Variants in FUNDC2 observed in about 807,000 individuals in gnomAD.
FUNDC2 encodes FUN14 domain-containing protein 2.
FUNDC2 carries 4 observed loss-of-function variants against 15.6 expected under a neutral mutation model. The ratio of observed to expected loss-of-function variants is 0.26; its 90% CI spans 0.13 to 0.59. The LOEUF is 0.59. FUNDC2 is among the 20% of genes least tolerant of loss of function. FUNDC2 has a pLI of 0.90. For synonymous variants in FUNDC2, 44 were observed against 56.9 expected, an observed-to-expected ratio of 0.77 and a Z score of 1.02; for missense variants, 98 against 149.7, an observed-to-expected ratio of 0.65 and a Z score of 1.80.
At chrX:155,042,212 ACTCTTT>A (rs2073849890) in intron 2 of FUNDC2, among the ~76,000 whole-genome samples, 1 of 23,832 alleles carries the variant, frequency 4.2e-5, no homozygotes, top group Non-Finnish European at 6.6e-5. Context: ...TTTGAGATGG[ACTCTTT>A]CTCTGTCACC....
chrX:155,054,470 G>A, intron 4 of FUNDC2, 125 bp from the exon 5 acceptor site: 4 of 1,139,625 alleles, frequency 3.5e-6, no homozygotes, highest in Non-Finnish European at 4.7e-6. Flanking sequence ...TTTGGGTAAA[G>A]TGCAAATTAC....
chrX:155,047,458 A>G (rs1200607489), intron 3 of FUNDC2: 1 of 341,619 alleles, frequency 2.9e-6, no homozygotes, highest in Non-Finnish European at 5.9e-6. Flanking sequence ...AATCAAATGT[A>G]TCGAAGAGGG....
Position 155,057,038 on chromosome X carries a change from ATCCTGCTAG to A in FUNDC2, c.*2368_*2376del. On this transcript the variant is annotated 3_prime_UTR_variant, in exon 5 of 5. Coordinates refer to ENST00000369498, the MANE Select transcript of FUNDC2 (RefSeq NM_023934.4). ...GAGGTCAGTATTGCAGGTTGGCCTC[ATCCTGCTAG>A]TATGAGAACGGCTGTGAGTTCTGCC... The A allele has an allele frequency of 1.0e-5, 1 of 96,072 alleles. No homozygotes were observed. Among genetic ancestry groups the A allele is most frequent in the East Asian group, 2.9e-4 (1 of 3,453 alleles). 7.9% of individuals were successfully genotyped at this position (96,072 alleles called of 1,213,427 possible).
intron 4 of FUNDC2, among the ~76,000 whole-genome samples, chrX:155,052,112 G>C (rs1158004598): frequency 1.8e-5 from 2 of 112,131 alleles, no homozygotes; most frequent in Admixed American, 9.4e-5. Flanking sequence ...CCATTTTGTC[G>C]CTATACACGC....
At position 155,026,855 on chromosome X, in the gene FUNDC2, C is replaced by T. The variant is rs781878917; in HGVS notation, c.-84C>T. On this transcript the variant is annotated 5_prime_UTR_variant, in exon 1 of 5. Transcript: ENST00000369498. ...ACCGCGGGGCCTGTGACACCGCACG[C>T]TGAGCTCTGTGATGTAGCCGCTTGC... 17 of 1,136,346 alleles carry T rather than the reference C, an allele frequency of 1.5e-5. No individual in the cohort carries two copies. In the Admixed American group the frequency reaches 4.3e-4, roughly 29 times the overall value. The allele number at this position is 1,136,346 out of a possible 1,213,427, so 93.6% of individuals were successfully genotyped here. A position where few individuals can be genotyped will look rare whatever the true frequency, so the allele number is the denominator to read the frequency against.
At chrX:155,051,486 A>C in intron 3 of FUNDC2, 184 bp from the exon 4 acceptor site, 1 of 442,475 alleles carries the variant, frequency 2.3e-6, no homozygotes. Flanking sequence ...AGTGCCAGGC[A>C]TATGGCTTCG....
intron 2 of FUNDC2, among the ~76,000 whole-genome samples, chrX:155,043,035 C>G (rs1201167262): frequency 1.8e-5 from 2 of 111,533 alleles, no homozygotes; most frequent in African/African-American, 3.3e-5. Flanking sequence ...CTCCTGGGCT[C>G]AAGAGATCCT....
chrX:155,028,478 A>G (rs1557288496), intron 1 of FUNDC2, among the ~76,000 whole-genome samples: 1 of 111,980 alleles, frequency 8.9e-6, no homozygotes, highest in African/African-American at 3.3e-5. Context: ...TTGTTGTTAC[A>G]TTAGAAAAAT....
chrX:155,052,612 G>A (rs889631931), intron 4 of FUNDC2, among the ~76,000 whole-genome samples: 3 of 110,746 alleles, frequency 2.7e-5, no homozygotes, highest in Non-Finnish European at 5.7e-5. Flanking sequence ...GAAATACCCT[G>A]TGTGCGCCTC....
At chrX:155,034,756 C>T (rs1018761343) in intron 2 of FUNDC2, among the ~76,000 whole-genome samples, 1 of 111,808 alleles carries the variant, frequency 8.9e-6, no homozygotes, top group African/African-American at 3.2e-5. Context: ...AAAATTTTAC[C>T]AGTCTGGTAG....
At position 155,059,582 on chromosome X, in the gene FUNDC2, CTATTT is replaced by C. The variant is rs1386386391; in HGVS notation, c.*4917_*4921del. The stretch of plus-strand genomic sequence containing the variant: ...GTAAATGTTAAGCCTTCTATGATGG[CTATTT>C]TATTTTTTTGTATGTCATAATAATA... On this transcript the variant is annotated 3_prime_UTR_variant, in exon 5 of 5. Coordinates refer to ENST00000369498, the MANE Select transcript of FUNDC2 (RefSeq NM_023934.4). 1 of 111,086 alleles carries C rather than the reference CTATTT, an allele frequency of 9.0e-6. No individual in the cohort carries two copies. Among genetic ancestry groups the C allele is most frequent in the African/African-American group, 3.3e-5 (1 of 30,512 alleles). The allele number at this position is 111,086 out of a possible 1,213,427, so 9.2% of individuals were successfully genotyped here. A position where few individuals can be genotyped will look rare whatever the true frequency, so the allele number is the denominator to read the frequency against.
chrX:155,057,468 G>C lies in FUNDC2; in HGVS notation c.*2796G>C, dbSNP rs1028284163. ...TGGGGCGGAAGTTTTTCCTTGGGAA[G>C]AGCGTTGTCGCTGTATATGGTCCGC... On this transcript the variant is annotated 3_prime_UTR_variant, in exon 5 of 5. Transcript: ENST00000369498. The C allele has an allele frequency of 8.9e-6, 1 of 111,796 alleles. No homozygotes were observed. Among genetic ancestry groups the C allele is most frequent in the Non-Finnish European group, 1.9e-5 (1 of 53,093 alleles). 9.2% of individuals were successfully genotyped at this position (111,796 alleles called of 1,213,427 possible).
intron 2 of FUNDC2, among the ~76,000 whole-genome samples, chrX:155,038,142 G>T (rs2073837378): frequency 9.1e-6 from 1 of 109,880 alleles, no homozygotes; most frequent in Non-Finnish European, 1.9e-5. Context: ...TGGGAGGATG[G>T]CTTGAACCTG....
At position 155,057,211 on chromosome X, in the gene FUNDC2, T is replaced by C. The variant is rs2073909110; in HGVS notation, c.*2539T>C. On this transcript the variant is annotated 3_prime_UTR_variant, in exon 5 of 5. Transcript: ENST00000369498. ...TCAGGCATTTGGGGTTACCTGTGAA[T>C]CAAGGCCCTATTGTGCCAGCAGTTT... 1 of 111,692 alleles carries C rather than the reference T, an allele frequency of 9.0e-6. No homozygotes were observed. The highest frequency in any genetic ancestry group is 3.3e-5 in the African/African-American group (1 of 30,692). 9.2% of individuals were successfully genotyped at this position (111,692 alleles called of 1,213,427 possible).
intron 4 of FUNDC2, 107 bp from the exon 5 acceptor site, chrX:155,054,488 A>G (rs184433877): frequency 8.6e-7 from 1 of 1,163,895 alleles, no homozygotes. Flanking sequence ...TACGTAACCG[A>G]TGAGGGGATT....
Position 155,055,579 on chromosome X carries a change from C to T in FUNDC2, c.*907C>T, listed in dbSNP as rs933552722. 5.2e-5 allele frequency: 12 copies of T among 231,694 alleles called. No individual in the cohort carries two copies. The highest frequency in any genetic ancestry group is 2.8e-4 in the South Asian group (1 of 3,560). The allele number at this position is 231,694 out of a possible 1,213,427, so 19.1% of individuals were successfully genotyped here. A position where few individuals can be genotyped will look rare whatever the true frequency, so the allele number is the denominator to read the frequency against. ...TAAATTTCCATCAAGTGTAATCTAC[C>T]GTCTCATGATGACCACAACCCTGAG... On this transcript the variant is annotated 3_prime_UTR_variant, in exon 5 of 5. Coordinates refer to ENST00000369498, the MANE Select transcript of FUNDC2 (RefSeq NM_023934.4).
chrX:155,031,509 T>C (rs1027357752), intron 1 of FUNDC2, among the ~76,000 whole-genome samples: 14 of 111,912 alleles, frequency 1.3e-4, no homozygotes, highest in African/African-American at 4.6e-4. Flanking sequence ...TTTGTATTTT[T>C]AGTAGAAACA....
Position 155,057,050 on chromosome X carries a change from TGAGAAC to T in FUNDC2, c.*2380_*2385del, listed in dbSNP as rs2073907404. On this transcript the variant is annotated 3_prime_UTR_variant, in exon 5 of 5. Coordinates refer to ENST00000369498, the MANE Select transcript of FUNDC2 (RefSeq NM_023934.4). The stretch of plus-strand genomic sequence containing the variant: ...GCAGGTTGGCCTCATCCTGCTAGTA[TGAGAAC>T]GGCTGTGAGTTCTGCCCACGGTGTG... 2.1e-5 allele frequency: 2 copies of T among 96,535 alleles called. 1 individual carries two copies. Among genetic ancestry groups the T allele is most frequent in the Non-Finnish European group, 4.4e-5 (2 of 45,248 alleles). The allele number at this position is 96,535 out of a possible 1,213,427, so 8.0% of individuals were successfully genotyped here.
intron 2 of FUNDC2, among the ~76,000 whole-genome samples, chrX:155,038,578 G>C (rs1472542110): frequency 9.0e-6 from 1 of 111,682 alleles, no homozygotes; most frequent in Non-Finnish European, 1.9e-5. Flanking sequence ...ACTTTTTTTA[G>C]ATTCCACATA....
Sources: gnomAD v4.1 joint callset for allele counts (sites outside exome capture counted in the v4.1 genomes callset) on GRCh38, gnomAD v4.1.1 for gene constraint, MANE v1.5 for transcripts, NCBI Gene and HGNC (gene_info 2026-07-23, HGNC 2026-07-21) for gene names.